The following HNMT variants were observed in gnomAD, a reference collection of about 807,000 sequenced individuals.
HNMT encodes histamine N-methyltransferase.
In HNMT, 30 loss-of-function variants were observed where a neutral mutation model predicts 32.1. That is an observed-to-expected ratio of 0.93 (90% CI 0.70 to 1.27). The LOEUF (loss-of-function observed/expected upper bound fraction) is 1.27. HNMT is among the 50% of genes most tolerant of loss of function. The pLI is 0.00. For synonymous variants in HNMT, 125 were observed against 119.0 expected, an observed-to-expected ratio of 1.05 and a Z score of -0.33; for missense variants, 327 against 346.0, an observed-to-expected ratio of 0.95 and a Z score of 0.43.
At chr2:137,971,226 G>A (rs1162319311) in intron 2 of HNMT, among the ~76,000 whole-genome samples, 1 of 151,738 alleles carries the variant, frequency 6.6e-6, no homozygotes, top group Admixed American at 6.6e-5. Flanking sequence ...CGCCCAGGCT[G>A]AAATGTGCAG....
rs971213011 is a variant in HNMT at position 137,982,600 on chromosome 2, T to A, written c.190+12383T>A. ...TTCCCAAATCAGAAAGCCAGCATAT[T>A]CTGTTTGGTAGGAAATTACACAGGA... On this transcript the variant is annotated intron_variant, in intron 2 of 5. Transcript: ENST00000280097. 3.9e-5 allele frequency among the ~76,000 whole-genome samples: 6 copies of A among 152,210 alleles called. No individual in the cohort carries two copies. In the South Asian group the frequency reaches 8.3e-4, roughly 21 times the overall value.
At chr2:137,973,788 G>A (rs549690598) in intron 2 of HNMT, among the ~76,000 whole-genome samples, 39 of 152,046 alleles carry the variant, frequency 2.6e-4, no homozygotes, top group African/African-American at 9.4e-4. Context: ...TTGGGGGGGG[G>A]TGGTCTATTT....
At chr2:137,992,105 G>A (rs1456731850) in intron 2 of HNMT, among the ~76,000 whole-genome samples, 2 of 152,142 alleles carry the variant, frequency 1.3e-5, no homozygotes, top group Non-Finnish European at 2.9e-5. Flanking sequence ...GATCCCACTC[G>A]TGAACCCACA....
Position 138,015,915 on chromosome 2 carries a change from T to A in HNMT, c.*1785T>A, listed in dbSNP as rs969650618. The A allele has an allele frequency of 8.5e-5, 13 of 152,148 alleles. No individual in the cohort carries two copies. The highest frequency in any genetic ancestry group is 3.1e-4 in the African/African-American group (13 of 41,446). 9.4% of individuals were successfully genotyped at this position (152,148 alleles called of 1,614,324 possible). ...CTTTTTCTCGTCCTTATTAAACCCTTAGTATACAAGGATAAATAAATTCTC... is the reference window on the plus strand; with the variant it reads ...CTTTTTCTCGTCCTTATTAAACCCTAAGTATACAAGGATAAATAAATTCTC... On this transcript the variant is annotated 3_prime_UTR_variant, in exon 6 of 6. Coordinates refer to ENST00000280097, the MANE Select transcript of HNMT (RefSeq NM_006895.3).
intron 1 of HNMT, among the ~76,000 whole-genome samples, chr2:137,965,843 G>GTTTGT (rs1218530787): frequency 1.3e-5 from 2 of 152,154 alleles, no homozygotes; most frequent in Non-Finnish European, 2.9e-5. Flanking sequence ...ACACAGTTTG[G>GTTTGT]TTTGAAGAGG....
At chr2:137,968,049 T>C (rs1014403269) in intron 1 of HNMT, among the ~76,000 whole-genome samples, 2 of 152,200 alleles carry the variant, frequency 1.3e-5, no homozygotes, top group African/African-American at 4.8e-5. Context: ...GAGTGTGGAC[T>C]CAGCTCTTTC....
chr2:137,996,429 A>G (rs918948980), intron 2 of HNMT, among the ~76,000 whole-genome samples: 1 of 152,210 alleles, frequency 6.6e-6, no homozygotes, highest in Non-Finnish European at 1.5e-5. Context: ...CAGTTGCTAC[A>G]AAGAGAATAA....
intron 5 of HNMT, among the ~76,000 whole-genome samples, chr2:138,010,441 G>A (rs74932669): frequency 0.014 from 1,803 of 125,610 alleles, 23 homozygotes; most frequent in East Asian, 0.062. Flanking sequence ...AAAGACACAC[G>A]CACACACACA....
At chr2:137,970,141 A>G (rs915576895) in intron 1 of HNMT, 24 bp from the exon 2 acceptor site, 7 of 1,401,014 alleles carry the variant, frequency 5.0e-6, no homozygotes, top group Non-Finnish European at 7.0e-6. Context: ...ATTTTTCTAA[A>G]ACTACATAAT....
intron 1 of HNMT, chr2:137,966,948 T>G (rs1679976542): frequency 1.5e-6 from 1 of 646,928 alleles, no homozygotes. Flanking sequence ...CTTTAAGAAC[T>G]TTAAGAGTGA....
chr2:137,967,427 T>G, intron 1 of HNMT: 1 of 311,220 alleles, frequency 3.2e-6, no homozygotes, highest in Non-Finnish European at 5.8e-6. Flanking sequence ...ATAAATCAAA[T>G]GCTACTCAAA....
rs772820520 is a variant in HNMT at position 137,981,303 on chromosome 2, T to G, written c.190+11086T>G. On this transcript the variant is annotated intron_variant, in intron 2 of 5. Transcript: ENST00000280097. ...ACCCGTCAGAAAGACAAGCCAGGCA[T>G]GAGGATCCATGATGAGCGCTCTTCT... 1.9e-6 allele frequency: 3 copies of G among 1,613,436 alleles called. No individual in the cohort carries two copies. The Admixed American group carries it at 5.0e-5, about 27-fold the overall frequency.
At chr2:137,997,068 C>A (rs1464924191) in intron 2 of HNMT, among the ~76,000 whole-genome samples, 3 of 152,122 alleles carry the variant, frequency 2.0e-5, no homozygotes, top group African/African-American at 7.2e-5. Flanking sequence ...ACCATAAAAA[C>A]CCTAGAAGAC....
In HNMT at chr2:138,013,848, C is replaced by A; in HGVS notation, c.597C>A (p.Ile199=). 6.2e-7 allele frequency: 1 copy of A among 1,613,734 alleles called. No individual in the cohort carries two copies. Among genetic ancestry groups the A allele is most frequent in the South Asian group, 1.1e-5 (1 of 91,072 alleles). Residue 199 remains isoleucine, a synonymous_variant, in exon 6 of 6, where the codon ATC becomes ATA. Transcript: ENST00000280097. The stretch of plus-strand genomic sequence containing the variant: ...CCCAGGATGACCTCTGCCAGTATAT[C>A]ACATCAGATGACCTCACTCAGATGC... ...RFPQDDLCQY[I]TSDDLTQMLD... is the part of the protein sequence containing the mutation.
chr2:137,982,497 C>T (rs1680533298), intron 2 of HNMT, among the ~76,000 whole-genome samples: 1 of 152,086 alleles, frequency 6.6e-6, no homozygotes, highest in Admixed American at 6.5e-5. Context: ...ATATCTGTGG[C>T]AGATCTGAGG....
chr2:137,987,601 C>CTTTTTTTTTTTT (rs5834598), intron 2 of HNMT, among the ~76,000 whole-genome samples: 1 of 70,238 alleles, frequency 1.4e-5, no homozygotes, highest in African/African-American at 5.6e-5. Context: ...ACAATGGCCA[C>CTTTTTTTTTTTT]TTTTTTTTTT....
chr2:138,013,566 C>T (rs1015442488), intron 5 of HNMT, among the ~76,000 whole-genome samples: 1 of 152,164 alleles, frequency 6.6e-6, no homozygotes, highest in African/African-American at 2.4e-5. Context: ...CTTTAACCCT[C>T]TTAGCATTTA....
At chr2:137,970,260 A>T (rs766695387) in intron 2 of HNMT, 43 bp downstream of exon 2, 1 of 1,124,222 alleles carries the variant, frequency 8.9e-7, no homozygotes, top group Non-Finnish European at 1.3e-6. Flanking sequence ...CACTTTAACC[A>T]TTATGCTGTG....
intron 2 of HNMT, among the ~76,000 whole-genome samples, chr2:138,000,068 G>A (rs982384642): frequency 3.3e-5 from 5 of 152,186 alleles, no homozygotes; most frequent in African/African-American, 1.2e-4. Flanking sequence ...TTTCACCAGG[G>A]CAGGGATTCT....
Sources: allele counts gnomAD v4.1 joint callset (sites outside exome capture counted in the v4.1 genomes callset), GRCh38; gene constraint gnomAD v4.1.1; transcripts MANE v1.5; gene names NCBI Gene and HGNC (gene_info 2026-07-23, HGNC 2026-07-21).